Variants in LIMS2 observed in about 807,000 individuals in gnomAD.
LIMS2 encodes the protein LIM and senescent cell antigen-like-containing domain protein 2.
A neutral mutation model predicts 45.3 loss-of-function variants in LIMS2; 30 were observed. The observed-to-expected ratio is 0.66, with a 90% confidence interval of 0.50 to 0.90. The LOEUF (loss-of-function observed/expected upper bound fraction) is 0.90, where lower values mean the gene tolerates loss of function less well. Ranked by LOEUF, LIMS2 falls within the 40% of genes least tolerant of loss-of-function variation. The pLI is 0.00. For missense variants in LIMS2, 485 were observed against 468.7 expected (o/e 1.03, Z -0.32); for synonymous variants, 173 against 188.0 (o/e 0.92, Z 0.65).
Position 127,664,352 on chromosome 2 carries a change from G to GC in LIMS2, c.12-6791dup. The GC allele has an allele frequency of 8.2e-7, 1 of 1,220,190 alleles. No individual in the cohort carries two copies. 75.6% of individuals were successfully genotyped at this position (1,220,190 alleles called of 1,614,324 possible). ...TGCCGGTGCTGGCGCCGCCGGTACA[G>GC]CCCCGACGCGGCCAGCGCACCCAGC... On this transcript the variant is annotated intron_variant, in intron 1 of 9. Coordinates refer to ENST00000355119, the MANE Select transcript of LIMS2 (RefSeq NM_001161403.3). The surrounding 1 kb of genome is among the most constrained non-coding windows in gnomAD (Gnocchi z 5.5).
At chr2:127,643,150 A>G in intron 4 of LIMS2, 78 bp from the exon 5 acceptor site, 1 of 1,444,494 alleles carries the variant, frequency 6.9e-7, no homozygotes, top group Non-Finnish European at 9.3e-7. Flanking sequence ...GAGAGGCCAG[A>G]CCCCTGCAAC....
intron 1 of LIMS2, 137 bp from the exon 2 acceptor site, chr2:127,657,699 AC>A: frequency 1.0e-6 from 1 of 981,082 alleles, no homozygotes; most frequent in Non-Finnish European, 1.5e-6. Flanking sequence ...AATCGCTCTA[AC>A]CCAGGGTCCA....
At position 127,667,380 on chromosome 2, in the gene LIMS2, C is replaced by A. The variant is rs1410871102; in HGVS notation, c.11+7634G>T. On this transcript the variant is annotated intron_variant, in intron 1 of 9. Coordinates refer to ENST00000355119, the MANE Select transcript of LIMS2 (RefSeq NM_001161403.3). The surrounding 1 kb of genome is among the most constrained non-coding windows in gnomAD (Gnocchi z 4.1). ...AAAGAAAGACTAGGAGGGAATACTTCACAACTCATTCTATAAATATTATCT... is the reference window on the plus strand; with the variant it reads ...AAAGAAAGACTAGGAGGGAATACTTAACAACTCATTCTATAAATATTATCT... 6.6e-6 allele frequency among the ~76,000 whole-genome samples: 1 copy of A among 152,186 alleles called. No individual in the cohort carries two copies. The highest frequency in any genetic ancestry group is 6.5e-5 in the Admixed American group (1 of 15,282).
intron 1 of LIMS2, among the ~76,000 whole-genome samples, chr2:127,665,925 G>A (rs1258544203): frequency 2.0e-5 from 3 of 152,218 alleles, no homozygotes; most frequent in Non-Finnish European, 2.9e-5. Context: ...TGAAGTTCAA[G>A]CACAAGTTTA....
At position 127,639,246 on chromosome 2, in the gene LIMS2, CG is replaced by C. The variant is rs766835932; in HGVS notation, c.*34del. 2 of 1,605,972 alleles carry C rather than the reference CG, an allele frequency of 1.2e-6. No individual in the cohort carries two copies. The highest frequency in any genetic ancestry group is 2.7e-5 in the African/African-American group (2 of 74,712). On this transcript the variant is annotated 3_prime_UTR_variant, in exon 10 of 10. Coordinates refer to ENST00000355119, the MANE Select transcript of LIMS2 (RefSeq NM_001161403.3). ...GCATGGACAGCAGGAGGGGAGAAGG[CG>C]GAGGGGCCGAGAGGCAGCTGCGCAA...
intron 1 of LIMS2, among the ~76,000 whole-genome samples, chr2:127,658,129 T>C (rs1684383682): frequency 6.6e-6 from 1 of 152,204 alleles, no homozygotes; most frequent in African/African-American, 2.4e-5. Flanking sequence ...GGCTCAAGCC[T>C]GTCATCCAGA....
chr2:127,643,374 G>A, intron 4 of LIMS2: 2 of 510,214 alleles, frequency 3.9e-6, no homozygotes, highest in Non-Finnish European at 3.8e-6. Flanking sequence ...GAATACAGTA[G>A]ACATTTAATT....
intron 6 of LIMS2, chr2:127,641,715 C>CG (rs1289504878): frequency 8.0e-6 from 2 of 250,708 alleles, no homozygotes; most frequent in Non-Finnish European, 1.5e-5. Flanking sequence ...GTCCATGCAG[C>CG]GGGTTCTGTC....
At chr2:127,648,032 C>G in intron 4 of LIMS2, 1 of 985,834 alleles carries the variant, frequency 1.0e-6, no homozygotes, top group African/African-American at 1.7e-5. Flanking sequence ...CCAAGCATCA[C>G]TCACCCCGCC....
intron 4 of LIMS2, chr2:127,644,199 C>G: frequency 2.3e-6 from 1 of 434,980 alleles, no homozygotes; most frequent in Non-Finnish European, 4.7e-6. Flanking sequence ...GCTAAGCTGC[C>G]GACTGGCTCT....
Position 127,654,495 on chromosome 2 carries a change from G to A in LIMS2, c.288C>T (p.His96=), listed in dbSNP as rs370383839. 5.8e-5 allele frequency: 94 copies of A among 1,614,032 alleles called. No individual in the cohort carries two copies. Among genetic ancestry groups the A allele is most frequent in the Non-Finnish European group, 7.7e-5 (91 of 1,180,014 alleles). Residue 96 remains histidine (H), a synonymous_variant, in exon 4 of 10, where the codon CAC becomes CAT. Transcript: ENST00000355119. ...RVIKAMNNNW[H]PGCFRCELCD... ...ACAGCTCGCAGCGGAAGCAGCCCGG[G>A]TGCCAGTTGTTGTTCATGGCCTTGA... is the stretch of plus-strand genomic sequence containing the variant.
At chr2:127,659,688 A>G (rs2105310779) in intron 1 of LIMS2, among the ~76,000 whole-genome samples, 1 of 152,322 alleles carries the variant, frequency 6.6e-6, no homozygotes, top group East Asian at 1.9e-4. Context: ...TCCTCACTCC[A>G]AGGACCCAGA....
chr2:127,677,383 A>G (rs538384737), upstream of LIMS2, among the ~76,000 whole-genome samples: 24 of 152,338 alleles, frequency 1.6e-4, no homozygotes, highest in African/African-American at 5.5e-4. The surrounding 1 kb of genome is among the most constrained non-coding windows in gnomAD (Gnocchi z 5.0). Context: ...CTGCAAAGAA[A>G]AGGACAATGG....
At chr2:127,648,528 G>A (rs1265902652) in intron 4 of LIMS2, among the ~76,000 whole-genome samples, 2 of 152,082 alleles carry the variant, frequency 1.3e-5, no homozygotes, top group Non-Finnish European at 2.9e-5. Context: ...CCTCCTCGAG[G>A]GGCTGCTGTG....
chr2:127,642,051 C>A lies in LIMS2; in HGVS notation c.658G>T (p.Glu220Ter). The A allele has an allele frequency of 6.2e-7, 1 of 1,611,150 alleles. No individual in the cohort carries two copies. The highest frequency in any genetic ancestry group is 8.5e-7 in the Non-Finnish European group (1 of 1,179,082). ...VNALGKQWHVEHFVCAKCEKP... is the reference protein window; with the variant it reads ...VNALGKQWHV The stretch of plus-strand genomic sequence containing the variant: ...ACGTGTCCACCAGCCTGGCTCACCT[C>A]CACGTGCCACTGCTTGCCCAGCGCG... Residue 220 changes from glutamate (E) to a stop codon, truncating the protein, a stop_gained and splice_region_variant, in exon 6 of 10, where the codon GAG becomes TAG. Coordinates refer to ENST00000355119, the MANE Select transcript of LIMS2 (RefSeq NM_001161403.3). LOFTEE classifies it high-confidence loss of function. The surrounding 1 kb of genome is among the most constrained non-coding windows in gnomAD (Gnocchi z 5.3).
chr2:127,651,380 C>A (rs369638145), intron 4 of LIMS2: 3 of 1,612,762 alleles, frequency 1.9e-6, no homozygotes, highest in African/African-American at 1.3e-5. Context: ...ACCTGCTGAT[C>A]ATCCGCAGCC....
intron 4 of LIMS2, chr2:127,651,676 G>C (rs1438584776): frequency 6.2e-7 from 1 of 1,613,356 alleles, no homozygotes; most frequent in African/African-American, 1.3e-5. Context: ...TTGCTCTGTG[G>C]CAAAAGGCTC....
intron 1 of LIMS2, among the ~76,000 whole-genome samples, chr2:127,668,292 G>A (rs1685104680): frequency 6.6e-6 from 1 of 151,944 alleles, no homozygotes; most frequent in Non-Finnish European, 1.5e-5. Context: ...TAAAATTCCT[G>A]CCTTTTTTAA....
chr2:127,662,247 G>A (rs541569962), intron 1 of LIMS2, among the ~76,000 whole-genome samples: 81 of 152,316 alleles, frequency 5.3e-4, no homozygotes, highest in African/African-American at 1.4e-3. Flanking sequence ...ACTGTTGGGA[G>A]GGTTCAGTGA....
Sources: allele counts gnomAD v4.1 joint callset (sites outside exome capture counted in the v4.1 genomes callset), GRCh38; gene constraint gnomAD v4.1.1; non-coding constraint Gnocchi (gnomAD v3.1); transcripts MANE v1.5; gene names NCBI Gene and HGNC (gene_info 2026-07-23, HGNC 2026-07-21).